The following WDR7 variants were observed in gnomAD, a reference collection of about 807,000 sequenced individuals.
The protein encoded by WDR7 is WD repeat-containing protein 7.
Under a neutral mutation model 169.4 loss-of-function variants are expected in WDR7, and 46 were observed. The ratio of observed to expected loss-of-function variants is 0.27; its 90% CI spans 0.21 to 0.35. WDR7 has a LOEUF of 0.35. WDR7 is among the 10% of genes least tolerant of loss of function. The probability of loss-of-function intolerance (pLI) is 1.00; values close to 1 mark genes in which losing one functional copy is unlikely to be tolerated. For synonymous variants in WDR7, 612 were observed against 666.8 expected (o/e 0.92, Z 1.27); for missense variants, 1,534 against 1,859.3 (o/e 0.83, Z 3.22).
intron 25 of WDR7, among the ~76,000 whole-genome samples, chr18:56,953,922 CA>C (rs1215483754): frequency 6.6e-6 from 1 of 152,142 alleles, no homozygotes; most frequent in Non-Finnish European, 1.5e-5. Context: ...GATTACTTTG[CA>C]AAAATTACAG....
chr18:57,012,780 G>A (rs2048154790), intron 26 of WDR7, among the ~76,000 whole-genome samples: 1 of 152,144 alleles, frequency 6.6e-6, no homozygotes, highest in African/African-American at 2.4e-5. Context: ...TCTTTTACCT[G>A]GTATTCTGTG....
chr18:56,909,928 G>C (rs972611826), intron 21 of WDR7, among the ~76,000 whole-genome samples: 4 of 152,066 alleles, frequency 2.6e-5, no homozygotes, highest in African/African-American at 4.8e-5. Flanking sequence ...ATTGCTTCCT[G>C]TCCCTTTTGA....
At chr18:56,818,046 T>G (rs959410334) in intron 20 of WDR7, among the ~76,000 whole-genome samples, 6 of 152,136 alleles carry the variant, frequency 3.9e-5, no homozygotes, top group African/African-American at 1.4e-4. Context: ...CCTGGCCTAT[T>G]TGCAGATTTT....
chr18:56,779,616 A>G, intron 18 of WDR7, 67 bp downstream of exon 18: 2 of 1,187,664 alleles, frequency 1.7e-6, no homozygotes, highest in Non-Finnish European at 2.4e-6. Flanking sequence ...TGTAAACTTG[A>G]AACAAAAATG....
chr18:56,725,184 G>T (rs2026417484), intron 13 of WDR7, among the ~76,000 whole-genome samples: 1 of 150,674 alleles, frequency 6.6e-6, no homozygotes, highest in Non-Finnish European at 1.5e-5. Flanking sequence ...TGGGATGGCT[G>T]GGTCAAATGG....
At chr18:56,699,367 G>A (rs1015354466) in intron 12 of WDR7, among the ~76,000 whole-genome samples, 1 of 152,180 alleles carries the variant, frequency 6.6e-6, no homozygotes, top group African/African-American at 2.4e-5. Context: ...AATTGACCCA[G>A]TGTCCTGTTC....
intron 1 of WDR7, among the ~76,000 whole-genome samples, chr18:56,669,991 TC>T (rs2025099104): frequency 6.6e-6 from 1 of 152,180 alleles, no homozygotes; most frequent in Non-Finnish European, 1.5e-5. Context: ...TTAAAAAACT[TC>T]CTTGTGTTGG....
Position 56,672,489 on chromosome 18 carries a change from A to C in WDR7, c.-19-8A>C. The C allele has an allele frequency of 6.8e-7, 1 of 1,477,936 alleles. No homozygotes were observed. Among genetic ancestry groups the C allele is most frequent in the South Asian group, 1.5e-5 (1 of 66,034 alleles). 91.6% of individuals were successfully genotyped at this position (1,477,936 alleles called of 1,614,324 possible). On this transcript the variant is annotated splice_region_variant and splice_polypyrimidine_tract_variant and intron_variant, in intron 1 of 27. Transcript: ENST00000254442. ...TGTAATATCTGACAATTTTTATAAC[A>C]TTTTCAGGTTTGAAAACACAAACAC... is the stretch of plus-strand genomic sequence containing the variant.
chr18:56,983,282 C>G (rs940663741), intron 26 of WDR7, among the ~76,000 whole-genome samples: 1 of 152,088 alleles, frequency 6.6e-6, no homozygotes, highest in Non-Finnish European at 1.5e-5. Context: ...GTAAAAGTGG[C>G]GTTTTCATGA....
At chr18:56,767,947 C>T (rs938470312) in intron 16 of WDR7, among the ~76,000 whole-genome samples, 12 of 152,100 alleles carry the variant, frequency 7.9e-5, no homozygotes, top group Admixed American at 2.0e-4. Context: ...AATGGTGGGA[C>T]GATTCAATAT....
At chr18:56,739,520 T>G (rs2043580268) in intron 14 of WDR7, among the ~76,000 whole-genome samples, 1 of 152,142 alleles carries the variant, frequency 6.6e-6, no homozygotes, top group Non-Finnish European at 1.5e-5. Flanking sequence ...TATTCTTATA[T>G]TTAAACTCTG....
intron 1 of WDR7, among the ~76,000 whole-genome samples, chr18:56,670,598 C>T (rs1289914147): frequency 6.6e-6 from 1 of 152,094 alleles, no homozygotes; most frequent in Admixed American, 6.5e-5. Context: ...GCAACCTCTG[C>T]CTCCCGGGTT....
intron 20 of WDR7, among the ~76,000 whole-genome samples, chr18:56,858,498 T>C (rs1327655685): frequency 2.0e-5 from 3 of 152,196 alleles, no homozygotes; most frequent in Non-Finnish European, 4.4e-5. Flanking sequence ...TATTTTTTAA[T>C]GTAGAGACAA....
At chr18:56,929,775 AC>A (rs1282375947) in intron 22 of WDR7, among the ~76,000 whole-genome samples, 1 of 152,258 alleles carries the variant, frequency 6.6e-6, no homozygotes, top group Non-Finnish European at 1.5e-5. Flanking sequence ...GGAATCATAG[AC>A]TGAGCCATCC....
chr18:56,717,097 C>A (rs1249628610), intron 12 of WDR7, among the ~76,000 whole-genome samples: 3 of 152,098 alleles, frequency 2.0e-5, no homozygotes, highest in Non-Finnish European at 4.4e-5. Flanking sequence ...ACAATATGTA[C>A]AAGAATGAGT....
In WDR7 at chr18:56,756,700, C is replaced by T; in HGVS notation, c.2107C>T (p.Leu703=). Residue 703 remains leucine, a synonymous_variant, in exon 15 of 28, where the codon CTG becomes TTG. Coordinates refer to ENST00000254442, the MANE Select transcript of WDR7 (RefSeq NM_015285.3). ...TGTGGAAGCGTTGATTATTCAACTCCTGACTGAAGAAGCCTCTAGGCCGAA... is the reference window on the plus strand; with the variant it reads ...TGTGGAAGCGTTGATTATTCAACTCTTGACTGAAGAAGCCTCTAGGCCGAA... ...FDVEALIIQL[L]TEEASRPNTA... 1.2e-6 allele frequency: 2 copies of T among 1,614,116 alleles called. No homozygotes were observed.
In WDR7 at chr18:56,694,603, A is replaced by T; in HGVS notation, c.967-16A>T. 6.2e-7 allele frequency: 1 copy of T among 1,600,340 alleles called. No homozygotes were observed. The highest frequency in any genetic ancestry group is 8.5e-7 in the Non-Finnish European group (1 of 1,171,260). On this transcript the variant is annotated splice_polypyrimidine_tract_variant and intron_variant, in intron 9 of 27. Transcript: ENST00000254442. ...TAAAAATACAGCTAAAGATATTCAA[A>T]TACTTTTTTTGGCAGTTGCTAATTT... is the stretch of plus-strand genomic sequence containing the variant.
chr18:56,903,683 G>C (rs922426688), intron 21 of WDR7, among the ~76,000 whole-genome samples: 1 of 152,194 alleles, frequency 6.6e-6, no homozygotes, highest in East Asian at 1.9e-4. Flanking sequence ...GCCTCCCAAA[G>C]TGCTGGGATT....
At chr18:56,836,946 T>C (rs2045406238) in intron 20 of WDR7, among the ~76,000 whole-genome samples, 1 of 152,236 alleles carries the variant, frequency 6.6e-6, no homozygotes, top group South Asian at 2.1e-4. Flanking sequence ...ATATCTTATA[T>C]TCAAAGATGA....
Sources: gnomAD v4.1 joint callset for allele counts (sites outside exome capture counted in the v4.1 genomes callset) on GRCh38, gnomAD v4.1.1 for gene constraint, MANE v1.5 for transcripts, NCBI Gene and HGNC (gene_info 2026-07-23, HGNC 2026-07-21) for gene names.